BNC2: variants seen among roughly 807,000 people sequenced by gnomAD.
BNC2 encodes the protein zinc finger protein basonuclin-2.
In BNC2, 20 loss-of-function variants were observed where a neutral mutation model predicts 76.3. The observed-to-expected ratio is 0.26, with a 90% CI of 0.18 to 0.38. The LOEUF is 0.38. Ranked by LOEUF, BNC2 falls within the 10% of genes least tolerant of loss-of-function variation. BNC2 has a pLI of 1.00. For missense variants in BNC2, 1,382 were observed against 1,399.8 expected (o/e 0.99, Z 0.20); for synonymous variants, 582 against 514.8 (o/e 1.13, Z -1.77).
chr9:16,788,637 G>A (rs1046685406), intron 1 of BNC2, among the ~76,000 whole-genome samples: 2 of 151,950 alleles, frequency 1.3e-5, no homozygotes. Context: ...CAAGGCCTTG[G>A]GAGCAAATTC....
At chr9:16,815,436 A>G (rs1818159374) in intron 1 of BNC2, among the ~76,000 whole-genome samples, 1 of 152,238 alleles carries the variant, frequency 6.6e-6, no homozygotes, top group Non-Finnish European at 1.5e-5. Flanking sequence ...GGATACTACT[A>G]TTCAAAGAGT....
In BNC2 at chr9:16,867,173, T is replaced by C. The variant is rs186965680; in HGVS notation, c.3+3473A>G. Among the ~76,000 whole-genome samples the C allele has an allele frequency of 2.7e-3, 408 of 152,294 alleles. 2 individuals carry two copies. Among genetic ancestry groups the C allele is most frequent in the African/African-American group, 9.5e-3 (394 of 41,556 alleles). ...TCCACAGAAATTCAAACTTGTGGTC[T>C]GGTCTCAGTTTTAAAAATCTACATT... is the stretch of plus-strand genomic sequence containing the variant. On this transcript the variant is annotated intron_variant, in intron 1 of 6. Transcript: ENST00000380672.
Position 16,436,042 on chromosome 9 carries a change from G to T in BNC2, c.2152C>A (p.Pro718Thr). The change falls in exon 6 of 7, where the codon CCT becomes ACT. Residue 718 changes from proline to threonine, a missense_variant. Coordinates refer to ENST00000380672, the MANE Select transcript of BNC2 (RefSeq NM_017637.6). ...GACTCGTTCTCATAGTCCCGCTCAG[G>T]TTCTTGGTCTTCAGAAGTCATGCTG... The part of the protein sequence containing the change: ...ADSMTSEDQE[P>T]ERDYENESES... 2.5e-6 allele frequency: 4 copies of T among 1,614,120 alleles called. No individual in the cohort carries two copies. Among genetic ancestry groups the T allele is most frequent in the Non-Finnish European group, 3.4e-6 (4 of 1,180,034 alleles).
chr9:16,595,491 A>C (rs1417978839), intron 3 of BNC2, among the ~76,000 whole-genome samples: 1 of 152,158 alleles, frequency 6.6e-6, no homozygotes, highest in Non-Finnish European at 1.5e-5. Flanking sequence ...TCTTGATTTT[A>C]CCAGTGGCTA....
chr9:16,798,293 T>C (rs1269169788), intron 1 of BNC2, among the ~76,000 whole-genome samples: 1 of 152,180 alleles, frequency 6.6e-6, no homozygotes, highest in Non-Finnish European at 1.5e-5. Context: ...ACAAATGCAA[T>C]TTGGCTCTAG....
intron 3 of BNC2, among the ~76,000 whole-genome samples, chr9:16,635,942 A>G (rs1355279993): frequency 6.6e-6 from 1 of 152,210 alleles, no homozygotes; most frequent in African/African-American, 2.4e-5. Context: ...CCAAAAAGTA[A>G]GGGAATGTGT....
chr9:16,587,591 T>C (rs1401449537), intron 3 of BNC2, among the ~76,000 whole-genome samples: 3 of 149,600 alleles, frequency 2.0e-5, no homozygotes, highest in Non-Finnish European at 3.0e-5. Context: ...ATGAACATTC[T>C]CTCTTCTTAA....
intron 6 of BNC2, among the ~76,000 whole-genome samples, chr9:16,432,315 T>A (rs1046933439): frequency 2.0e-5 from 3 of 152,236 alleles, no homozygotes; most frequent in Admixed American, 6.5e-5. Flanking sequence ...GCATTCTTGC[T>A]TTTGAAAAAT....
At chr9:16,498,781 C>T (rs1160275320) in intron 5 of BNC2, among the ~76,000 whole-genome samples, 6 of 151,942 alleles carry the variant, frequency 3.9e-5, no homozygotes, top group African/African-American at 9.7e-5. Flanking sequence ...AGACCTTTAC[C>T]GACAATGAAG....
intron 1 of BNC2, among the ~76,000 whole-genome samples, chr9:16,821,878 G>C (rs561912448): frequency 1.3e-5 from 2 of 152,232 alleles, no homozygotes; most frequent in African/African-American, 2.4e-5. Context: ...CGGATCACGA[G>C]GTCAGGAGAT....
chr9:16,808,192 C>G (rs1201992772), intron 1 of BNC2, among the ~76,000 whole-genome samples: 2 of 152,064 alleles, frequency 1.3e-5, no homozygotes, highest in Non-Finnish European at 2.9e-5. Flanking sequence ...TTTTTAAACA[C>G]AGGAAGAATA....
At chr9:16,718,145 T>C (rs1173400256) in intron 3 of BNC2, among the ~76,000 whole-genome samples, 4 of 152,188 alleles carry the variant, frequency 2.6e-5, no homozygotes, top group Admixed American at 6.5e-5. Flanking sequence ...AACACTCTCT[T>C]TTTCTTATTT....
At chr9:16,499,080 T>A (rs911102799) in intron 5 of BNC2, among the ~76,000 whole-genome samples, 8 of 152,188 alleles carry the variant, frequency 5.3e-5, no homozygotes, top group Non-Finnish European at 1.0e-4. Context: ...TGTAATCAAA[T>A]TCCCATTTTA....
intron 1 of BNC2, among the ~76,000 whole-genome samples, chr9:16,847,483 T>C (rs1403640016): frequency 8.7e-6 from 1 of 115,220 alleles, no homozygotes; most frequent in Non-Finnish European, 1.7e-5. Flanking sequence ...CTTTATAAAA[T>C]TCATTTGGTT....
intron 5 of BNC2, among the ~76,000 whole-genome samples, chr9:16,548,423 C>T (rs537102740): frequency 9.0e-5 from 13 of 144,734 alleles, no homozygotes; most frequent in Admixed American, 6.2e-4. Context: ...TTTTTTCTTT[C>T]GAGATGGAGT....
intron 3 of BNC2, among the ~76,000 whole-genome samples, chr9:16,706,057 G>A (rs965821951): frequency 1.3e-5 from 2 of 152,168 alleles, no homozygotes; most frequent in Non-Finnish European, 2.9e-5. Context: ...TATACCAAAT[G>A]AAAAATTAAA....
intron 3 of BNC2, among the ~76,000 whole-genome samples, chr9:16,620,612 CAA>C (rs1820839500): frequency 1.3e-5 from 2 of 152,110 alleles, no homozygotes; most frequent in African/African-American, 4.8e-5. Flanking sequence ...GAGTATGTAG[CAA>C]AGTTTCTTAT....
At chr9:16,858,905 C>T (rs1467668050) in intron 1 of BNC2, among the ~76,000 whole-genome samples, 1 of 151,708 alleles carries the variant, frequency 6.6e-6, no homozygotes, top group Non-Finnish European at 1.5e-5. Flanking sequence ...AGGAAACAAT[C>T]AGCAGAGTGA....
intron 6 of BNC2, chr9:16,434,897 A>G (rs1438766592): frequency 2.2e-6 from 1 of 464,314 alleles, no homozygotes; most frequent in Non-Finnish European, 4.4e-6. Context: ...TAAGATAAAG[A>G]AACCCACACG....
Sources: gnomAD v4.1 joint callset for allele counts (sites outside exome capture counted in the v4.1 genomes callset) on GRCh38, gnomAD v4.1.1 for gene constraint, MANE v1.5 for transcripts, NCBI Gene and HGNC (gene_info 2026-07-23, HGNC 2026-07-21) for gene names.